The following TCF7L1 variants were observed in gnomAD, a reference collection of about 807,000 sequenced individuals.
TCF7L1 encodes the protein transcription factor 7-like 1.
A neutral mutation model predicts 63.7 loss-of-function variants in TCF7L1; 18 were observed. The ratio of observed to expected loss-of-function variants is 0.28; its 90% CI spans 0.20 to 0.42. The LOEUF (loss-of-function observed/expected upper bound fraction) is 0.42, where lower values mean the gene tolerates loss of function less well. TCF7L1 is among the 10% of genes least tolerant of loss of function. The pLI is 1.00. For missense variants in TCF7L1, 654 were observed against 779.3 expected (o/e 0.84, Z 1.91); for synonymous variants, 355 against 340.9 (o/e 1.04, Z -0.46).
chr2:85,225,182 G>A (rs1220953735), intron 3 of TCF7L1, among the ~76,000 whole-genome samples: 1 of 152,166 alleles, frequency 6.6e-6, no homozygotes, highest in Non-Finnish European at 1.5e-5. Context: ...GGTTACTGTA[G>A]CCTTGTAGTA....
intron 3 of TCF7L1, among the ~76,000 whole-genome samples, chr2:85,136,935 G>A (rs146789554): frequency 3.3e-5 from 5 of 152,262 alleles, no homozygotes; most frequent in Non-Finnish European, 7.4e-5. Context: ...CCCTCTGTTG[G>A]TTTCCCAGCC....
intron 3 of TCF7L1, among the ~76,000 whole-genome samples, chr2:85,215,889 T>C (rs945569518): frequency 3.3e-5 from 5 of 152,136 alleles, no homozygotes; most frequent in African/African-American, 1.2e-4. Flanking sequence ...ATGTAATTTG[T>C]TCAGGCAGTG....
intron 3 of TCF7L1, among the ~76,000 whole-genome samples, chr2:85,160,921 G>A (rs1035761906): frequency 1.3e-5 from 2 of 152,204 alleles, no homozygotes; most frequent in African/African-American, 2.4e-5. Flanking sequence ...ATGAGAACCC[G>A]CACATCATTC....
chr2:85,188,411 C>T (rs888680791), intron 3 of TCF7L1, among the ~76,000 whole-genome samples: 1 of 152,190 alleles, frequency 6.6e-6, no homozygotes, highest in Non-Finnish European at 1.5e-5. Flanking sequence ...TGCTTGGAAC[C>T]TCCCTGTACA....
At chr2:85,162,367 T>C (rs1234912784) in intron 3 of TCF7L1, among the ~76,000 whole-genome samples, 1 of 152,160 alleles carries the variant, frequency 6.6e-6, no homozygotes, top group Non-Finnish European at 1.5e-5. Flanking sequence ...GGTACACAGG[T>C]AGGGTGGCCA....
At chr2:85,245,595 G>A (rs1680443538) in intron 3 of TCF7L1, among the ~76,000 whole-genome samples, 2 of 152,026 alleles carry the variant, frequency 1.3e-5, no homozygotes, top group Non-Finnish European at 2.9e-5. Flanking sequence ...GGCAGATCAC[G>A]AGGTCAGGAG....
At chr2:85,196,663 C>T (rs1021631347) in intron 3 of TCF7L1, among the ~76,000 whole-genome samples, 2 of 152,116 alleles carry the variant, frequency 1.3e-5, no homozygotes, top group Admixed American at 1.3e-4. Context: ...AGCCACCACA[C>T]CCAGCCCGGA....
At chr2:85,294,358 T>A (rs1681798404) in intron 4 of TCF7L1, among the ~76,000 whole-genome samples, 1 of 152,010 alleles carries the variant, frequency 6.6e-6, no homozygotes, top group Non-Finnish European at 1.5e-5. Flanking sequence ...TTTTAAAAGC[T>A]CTCTGGATGA....
At position 85,309,024 on chromosome 2, in the gene TCF7L1, C is replaced by T. The variant is rs1682209868; in HGVS notation, c.1334-5C>T. ...TGCTCACTCTTTCTTGTATTTTCCC[C>T]CTAGGTGCCCTGGCCTCCAAGAGCA... On this transcript the variant is annotated splice_region_variant and splice_polypyrimidine_tract_variant and intron_variant, in intron 11 of 11. Transcript: ENST00000282111. 6.3e-7 allele frequency: 1 copy of T among 1,582,756 alleles called. No homozygotes were observed. Among genetic ancestry groups the T allele is most frequent in the South Asian group, 1.1e-5 (1 of 88,180 alleles).
intron 3 of TCF7L1, among the ~76,000 whole-genome samples, chr2:85,279,384 C>T (rs1351642718): frequency 1.3e-5 from 2 of 149,870 alleles, no homozygotes; most frequent in African/African-American, 2.5e-5. Flanking sequence ...CGTAGCAAGA[C>T]CCCCATCTCT....
At chr2:85,219,496 A>G (rs1357594232) in intron 3 of TCF7L1, among the ~76,000 whole-genome samples, 3 of 152,246 alleles carry the variant, frequency 2.0e-5, no homozygotes, top group African/African-American at 4.8e-5. Context: ...AAATAAATAA[A>G]TATAGTCATC....
intron 3 of TCF7L1, among the ~76,000 whole-genome samples, chr2:85,261,537 T>C (rs1044553431): frequency 6.6e-6 from 1 of 152,230 alleles, no homozygotes; most frequent in Non-Finnish European, 1.5e-5. Flanking sequence ...CAAGAAGTTG[T>C]GCCTTAGCTG....
intron 3 of TCF7L1, among the ~76,000 whole-genome samples, chr2:85,142,615 C>T (rs1677772429): frequency 2.0e-5 from 3 of 152,054 alleles, no homozygotes; most frequent in East Asian, 1.9e-4. Flanking sequence ...TATAGAAAAC[C>T]GTCCCAGATT....
intron 4 of TCF7L1, among the ~76,000 whole-genome samples, chr2:85,289,049 C>CCAA (rs758439188): frequency 3.3e-5 from 5 of 152,166 alleles, no homozygotes; most frequent in Non-Finnish European, 7.3e-5. Flanking sequence ...TACCCAAGAT[C>CCAA]CAACCCCTTT....
At chr2:85,154,960 G>A (rs947479621) in intron 3 of TCF7L1, among the ~76,000 whole-genome samples, 3 of 152,124 alleles carry the variant, frequency 2.0e-5, no homozygotes, top group African/African-American at 7.2e-5. Context: ...GGGACTACAG[G>A]TGCGTGCCAC....
At chr2:85,279,396 A>C (rs1681359815) in intron 3 of TCF7L1, among the ~76,000 whole-genome samples, 1 of 142,796 alleles carries the variant, frequency 7.0e-6, no homozygotes, top group Non-Finnish European at 1.5e-5. Flanking sequence ...CCCATCTCTA[A>C]AAATAAAAAA....
At chr2:85,243,637 T>C (rs1406013982) in intron 3 of TCF7L1, among the ~76,000 whole-genome samples, 1 of 152,108 alleles carries the variant, frequency 6.6e-6, no homozygotes, top group Non-Finnish European at 1.5e-5. Flanking sequence ...GGGGATGGGC[T>C]GAGGAGAGAG....
intron 3 of TCF7L1, among the ~76,000 whole-genome samples, chr2:85,181,929 T>C (rs1678811924): frequency 6.6e-6 from 1 of 152,136 alleles, no homozygotes; most frequent in Non-Finnish European, 1.5e-5. Flanking sequence ...ACAGGATCCA[T>C]GTTTCAATAG....
At chr2:85,215,161 C>T (rs115898301) in intron 3 of TCF7L1, among the ~76,000 whole-genome samples, 1,532 of 152,246 alleles carry the variant, frequency 0.01, 16 homozygotes, top group African/African-American at 0.036. Flanking sequence ...ACTTTAACAC[C>T]GGGACCTTCT....
Sources: allele counts gnomAD v4.1 joint callset (sites outside exome capture counted in the v4.1 genomes callset), GRCh38; gene constraint gnomAD v4.1.1; transcripts MANE v1.5; gene names NCBI Gene and HGNC (gene_info 2026-07-23, HGNC 2026-07-21).